The following ATP9B variants were observed in gnomAD, a reference collection of about 807,000 sequenced individuals.
The protein encoded by ATP9B is ATPase phospholipid transporting 9B.
ATP9B carries 110 observed loss-of-function variants against 146.1 expected under a neutral mutation model. The observed-to-expected ratio is 0.75, with a 90% CI of 0.65 to 0.88. ATP9B has a LOEUF of 0.88. Among genes scored for constraint, ATP9B ranks in the 40% least tolerant of loss-of-function variants. The pLI is 0.00. For missense variants in ATP9B, 1,499 were observed against 1,496.4 expected (o/e 1.00, Z -0.03); for synonymous variants, 604 against 569.7 (o/e 1.06, Z -0.86).
intron 8 of ATP9B, among the ~76,000 whole-genome samples, chr18:79,178,204 G>A (rs571035963): frequency 6.6e-6 from 1 of 152,272 alleles, no homozygotes; most frequent in South Asian, 2.1e-4. Context: ...TTTCAAAGGA[G>A]CTGCCAAACT....
At chr18:79,236,155 G>A (rs2095839512) in intron 11 of ATP9B, among the ~76,000 whole-genome samples, 1 of 152,202 alleles carries the variant, frequency 6.6e-6, no homozygotes, top group East Asian at 1.9e-4. Context: ...CACTTGTAGT[G>A]TCTATCTTAC....
chr18:79,364,283 AAAG>A (rs1169454456), intron 26 of ATP9B: 2 of 152,050 alleles, frequency 1.3e-5, no homozygotes, highest in Non-Finnish European at 2.9e-5. Flanking sequence ...AAAAAAAAGA[AAAG>A]AAAAAAAAGA....
chr18:79,182,680 G>A (rs2095264173), intron 8 of ATP9B, among the ~76,000 whole-genome samples: 1 of 152,166 alleles, frequency 6.6e-6, no homozygotes, highest in African/African-American at 2.4e-5. Context: ...ACTTGTAGAA[G>A]CCCTTGATTA....
intron 17 of ATP9B, 91 bp from the exon 18 acceptor site, chr18:79,336,537 C>A: frequency 8.5e-7 from 1 of 1,181,268 alleles, no homozygotes; most frequent in Non-Finnish European, 1.2e-6. Flanking sequence ...GGGCAGGGCA[C>A]CAGCAATCAG....
intron 5 of ATP9B, among the ~76,000 whole-genome samples, chr18:79,131,815 G>T (rs2094382437): frequency 6.6e-6 from 1 of 152,200 alleles, no homozygotes. Context: ...CTACAACCTG[G>T]ATGAACCTCA....
chr18:79,159,400 C>T (rs2094843603), intron 7 of ATP9B, among the ~76,000 whole-genome samples: 1 of 152,140 alleles, frequency 6.6e-6, no homozygotes, highest in South Asian at 2.1e-4. Flanking sequence ...TTCTCTCATA[C>T]CTGGCTGTAG....
chr18:79,355,106 C>T (rs1019263202), intron 25 of ATP9B, among the ~76,000 whole-genome samples: 2 of 152,214 alleles, frequency 1.3e-5, no homozygotes, highest in African/African-American at 4.8e-5. Context: ...CGGCAGAGGC[C>T]GCATGGGGAG....
chr18:79,089,694 C>T (rs954068868), intron 1 of ATP9B, among the ~76,000 whole-genome samples: 1 of 152,192 alleles, frequency 6.6e-6, no homozygotes, highest in Non-Finnish European at 1.5e-5. Flanking sequence ...TTGATACATG[C>T]ATACAATGTG....
chr18:79,262,148 C>A lies in ATP9B; in HGVS notation c.1268+8607C>A, dbSNP rs73973062. Among the ~76,000 whole-genome samples, 651 of 92,968 alleles carry A rather than the reference C, an allele frequency of 7.0e-3. 7 individuals carry two copies. Among genetic ancestry groups the A allele is most frequent in the African/African-American group, 0.024 (585 of 24,150 alleles). 61.0% of individuals were successfully genotyped at this position (92,968 alleles called of 152,430 possible). The stretch of plus-strand genomic sequence containing the variant: ...CCTCCCTCCCCTTTCCTTGCTTTTT[C>A]TCTCCATAGAAGTAAAAATTATCTG... On this transcript the variant is annotated intron_variant, in intron 12 of 29. Transcript: ENST00000426216.
intron 28 of ATP9B, 82 bp downstream of exon 28, chr18:79,374,183 T>A (rs928919987): frequency 1.4e-6 from 2 of 1,422,972 alleles, no homozygotes; most frequent in Middle Eastern, 1.9e-4. Flanking sequence ...TCTGAATACA[T>A]TGTGTTAAGT....
intron 29 of ATP9B, chr18:79,375,710 T>G: frequency 1.0e-6 from 1 of 985,414 alleles, no homozygotes; most frequent in Non-Finnish European, 1.2e-6. Flanking sequence ...ATTTGCCTTT[T>G]CAGTTGTAGG....
At chr18:79,249,984 T>G (rs1453923048) in intron 11 of ATP9B, among the ~76,000 whole-genome samples, 1 of 152,236 alleles carries the variant, frequency 6.6e-6, no homozygotes, top group Non-Finnish European at 1.5e-5. Context: ...TATATTTTAT[T>G]CCACTAAATG....
chr18:79,186,957 A>G (rs2095313611), intron 8 of ATP9B, among the ~76,000 whole-genome samples: 3 of 152,166 alleles, frequency 2.0e-5, no homozygotes, highest in African/African-American at 7.2e-5. Context: ...TTCTCTGCTG[A>G]CAGGTGTCCT....
intron 26 of ATP9B, among the ~76,000 whole-genome samples, chr18:79,370,687 T>G (rs1488242689): frequency 1.3e-5 from 2 of 152,218 alleles, no homozygotes; most frequent in Non-Finnish European, 2.9e-5. Context: ...TTTGCTTTTA[T>G]TAATCTATAA....
chr18:79,098,475 C>G (rs1421247139), intron 2 of ATP9B, among the ~76,000 whole-genome samples: 2 of 149,212 alleles, frequency 1.3e-5, no homozygotes, highest in East Asian at 4.0e-4. Flanking sequence ...ATTTTCGCAA[C>G]CTACTCATCT....
chr18:79,095,311 C>A (rs1211364490), intron 1 of ATP9B, among the ~76,000 whole-genome samples: 1 of 152,112 alleles, frequency 6.6e-6, no homozygotes, highest in Non-Finnish European at 1.5e-5. Flanking sequence ...CTGTAGGTCC[C>A]CCAGTAACCA....
At chr18:79,179,352 G>A (rs2095222017) in intron 8 of ATP9B, among the ~76,000 whole-genome samples, 1 of 151,532 alleles carries the variant, frequency 6.6e-6, no homozygotes, top group Admixed American at 6.6e-5. Flanking sequence ...TCCTCCTTAA[G>A]GTGGAAGTTA....
chr18:79,147,201 C>G (rs900973723), intron 6 of ATP9B, among the ~76,000 whole-genome samples: 5 of 152,018 alleles, frequency 3.3e-5, no homozygotes, highest in Non-Finnish European at 7.3e-5. Context: ...CCATAAAATT[C>G]GTGAATCAAC....
At chr18:79,155,690 G>A (rs2094764712) in intron 7 of ATP9B, among the ~76,000 whole-genome samples, 1 of 144,058 alleles carries the variant, frequency 6.9e-6, no homozygotes, top group South Asian at 2.3e-4. Context: ...TAATTTTTCT[G>A]TATTTATAAA....
Sources: gnomAD v4.1 joint callset for allele counts (sites outside exome capture counted in the v4.1 genomes callset) on GRCh38, gnomAD v4.1.1 for gene constraint, MANE v1.5 for transcripts, NCBI Gene and HGNC (gene_info 2026-07-23, HGNC 2026-07-21) for gene names.